The following NCR1 variants were observed in gnomAD, a reference collection of about 807,000 sequenced individuals.
NCR1 encodes the protein NK cell-activating receptor.
Under a neutral mutation model 32.5 loss-of-function variants are expected in NCR1, and 30 were observed. That is an observed-to-expected ratio of 0.92 (90% confidence interval 0.69 to 1.25). The LOEUF (loss-of-function observed/expected upper bound fraction) is 1.25. Among genes scored for constraint, NCR1 ranks in the 50% most tolerant of loss-of-function variants. NCR1 has a pLI of 0.00. For missense variants in NCR1, 369 were observed against 380.7 expected, an observed-to-expected ratio of 0.97 and a Z score of 0.26; for synonymous variants, 169 against 143.4, an observed-to-expected ratio of 1.18 and a Z score of -1.28.
intron 3 of NCR1, among the ~76,000 whole-genome samples, chr19:54,908,623 C>T (rs587716062): frequency 8.6e-4 from 130 of 150,796 alleles, no homozygotes; most frequent in African/African-American, 3.1e-3. Flanking sequence ...GGCTGCCCCC[C>T]AACCTCCCGG....
upstream of NCR1, among the ~76,000 whole-genome samples, chr19:54,901,508 T>C (rs891610859): frequency 2.6e-5 from 4 of 151,850 alleles, no homozygotes; most frequent in Non-Finnish European, 5.9e-5. Context: ...TGGTGTGGGC[T>C]TAAGGCTGAA....
chr19:54,934,660 C>T, the NCR1 span: 4 of 1,612,254 alleles, frequency 2.5e-6, no homozygotes, highest in Non-Finnish European at 1.7e-6. This position sits in a 1 kb window ranked among gnomAD's most constrained non-coding sequence, Gnocchi z 6.7. Context: ...ACCTCCCAAC[C>T]TGTGAAAAGA....
upstream of NCR1, among the ~76,000 whole-genome samples, chr19:54,903,680 A>T (rs879432119): frequency 0.049 from 7,322 of 148,008 alleles, 246 homozygotes; most frequent in Admixed American, 0.097. Flanking sequence ...TATATGTATA[A>T]ATGTATATAT....
At chr19:54,902,130 CAG>C (rs1404350125), upstream of NCR1, among the ~76,000 whole-genome samples, 1 of 152,228 alleles carries the variant, frequency 6.6e-6, no homozygotes, top group African/African-American at 2.4e-5. Flanking sequence ...ACATTAATAA[CAG>C]AATGTCCTTG....
At chr19:54,921,163 T>G in the NCR1 span, among the ~76,000 whole-genome samples, 1 of 152,166 alleles carries the variant, frequency 6.6e-6, no homozygotes. Flanking sequence ...CACGGGAACT[T>G]CATGTGCATG....
the NCR1 span, chr19:54,927,649 G>T: frequency 1.1e-4 from 170 of 1,614,154 alleles, no homozygotes; most frequent in African/African-American, 2.1e-3. Context: ...GAACCCCAAA[G>T]AGCTTAATTA....
chr19:54,916,020 A>G (rs1359427134), downstream of NCR1: 1 of 151,194 alleles, frequency 6.6e-6, no homozygotes, highest in Non-Finnish European at 1.5e-5. Context: ...CTAATAAGAA[A>G]AAAAAAAAAA....
chr19:54,915,513 G>T (rs140094495), downstream of NCR1, among the ~76,000 whole-genome samples: 1 of 152,174 alleles, frequency 6.6e-6, no homozygotes, highest in East Asian at 1.9e-4. Context: ...TTAGCCAGGC[G>T]CAGTGGCTTG....
chr19:54,936,052 G>A, the NCR1 span, among the ~76,000 whole-genome samples: 14 of 152,178 alleles, frequency 9.2e-5, no homozygotes, highest in Admixed American at 9.2e-4. Flanking sequence ...AATTCGGGGT[G>A]TTTCTTTGCA....
At chr19:54,901,606 A>T (rs587735746), upstream of NCR1, among the ~76,000 whole-genome samples, 2 of 152,168 alleles carry the variant, frequency 1.3e-5, no homozygotes, top group Non-Finnish European at 2.9e-5. Flanking sequence ...GGATCACTGG[A>T]GCTCCTGGAG....
chr19:54,934,495 A>G, the NCR1 span: 3 of 1,614,130 alleles, frequency 1.9e-6, no homozygotes, highest in Non-Finnish European at 2.5e-6. The surrounding 1 kb of genome is among the most constrained non-coding windows in gnomAD (Gnocchi z 6.7). Context: ...TTACGACAAC[A>G]TCTGCAGGAA....
chr19:54,909,252 T>C lies in NCR1; in HGVS notation c.363T>C (p.Tyr121=), dbSNP rs2067811476. The change falls in exon 4 of 7, where the codon TAT becomes TAC. Residue 121 remains tyrosine, a synonymous_variant. Transcript: ENST00000291890. ...NLLDLVVTEM[Y]DTPTLSVHPG... is the part of the protein sequence containing the mutation. The stretch of plus-strand genomic sequence containing the variant: ...CCCCACCTTCTCTCATAGAAATGTA[T>C]GACACACCCACCCTCTCGGTTCATC... The C allele has an allele frequency of 6.2e-7, 1 of 1,611,458 alleles. No homozygotes were observed. Among genetic ancestry groups the C allele is most frequent in the Non-Finnish European group, 8.5e-7 (1 of 1,177,922 alleles).
Position 54,909,465 on chromosome 19 carries a change from C to T in NCR1, c.576C>T (p.Gly192=), listed in dbSNP as rs760576635. ...TAHRGTYRCF[G]SYNNHAWSFP... is the part of the protein sequence containing the mutation. ...ACAGAGGGACATACCGATGTTTTGG[C>T]TCCTATAACAACCATGCCTGGTCTT... The change falls in exon 4 of 7, where the codon GGC becomes GGT. Residue 192 remains glycine, a synonymous_variant. Coordinates refer to ENST00000291890, the MANE Select transcript of NCR1 (RefSeq NM_004829.7). 5 of 1,611,634 alleles carry T rather than the reference C, an allele frequency of 3.1e-6. No homozygotes were observed. The highest frequency in any genetic ancestry group is 1.7e-5 in the Admixed American group (1 of 60,000).
chr19:54,921,210 C>T, the NCR1 span, among the ~76,000 whole-genome samples: 1 of 152,186 alleles, frequency 6.6e-6, no homozygotes, highest in African/African-American at 2.4e-5. Flanking sequence ...TACCTCTCAT[C>T]ACCTGACCAC....
At chr19:54,919,894 C>T (rs2068215031), downstream of NCR1, among the ~76,000 whole-genome samples, 1 of 152,176 alleles carries the variant, frequency 6.6e-6, no homozygotes, top group African/African-American at 2.4e-5. Context: ...AGAAGGCTCG[C>T]ACTCTTGTCT....
rs73932257 is a variant in NCR1, at chr19:54,906,817, C to T, written c.355+10C>T. On this transcript the variant is annotated intron_variant, in intron 3 of 6. Coordinates refer to ENST00000291890, the MANE Select transcript of NCR1 (RefSeq NM_004829.7). ...GATCTGGTGGTAACAGGTAACTGTC[C>T]GGTTCTCTAACTGGAGAGTGATCTC... 0.032 allele frequency: 51,318 copies of T among 1,612,990 alleles called. 1,073 individuals are homozygous for T. Among genetic ancestry groups the T allele is most frequent in the African/African-American group, 0.094 (7,061 of 74,922 alleles).
At chr19:54,933,572 A>C in the NCR1 span, 1 of 1,614,138 alleles carries the variant, frequency 6.2e-7, no homozygotes. Context: ...GACTTACACC[A>C]AGGTCTGCAG....
the NCR1 span, chr19:54,923,453 GCA>G: frequency 1.2e-5 from 6 of 497,632 alleles, no homozygotes; most frequent in Admixed American, 1.3e-4. Context: ...CCTAGACAAA[GCA>G]CAGAGTACCA....
At chr19:54,922,833 GAGAT>G in the NCR1 span, among the ~76,000 whole-genome samples, 1 of 145,666 alleles carries the variant, frequency 6.9e-6, no homozygotes, top group Non-Finnish European at 1.5e-5. Flanking sequence ...TACAAAGACA[GAGAT>G]AGAAACGCCC....
Sources: gnomAD v4.1 joint callset for allele counts (sites outside exome capture counted in the v4.1 genomes callset) on GRCh38, gnomAD v4.1.1 for gene constraint, Gnocchi (gnomAD v3.1) non-coding constraint, MANE v1.5 for transcripts, NCBI Gene and HGNC (gene_info 2026-07-23, HGNC 2026-07-21) for gene names.